H2BC18: variants seen among roughly 807,000 people sequenced by gnomAD.
The protein encoded by H2BC18 is H2B clustered histone 18.
A neutral mutation model predicts 6.3 loss-of-function variants in H2BC18; 8 were observed. That is an observed-to-expected ratio of 1.28 (90% CI 0.75 to 2.31). H2BC18 has a LOEUF of 2.31. Ranked by LOEUF, H2BC18 falls within the 30% of genes most tolerant of loss-of-function variation. The pLI, the probability that H2BC18 is intolerant of heterozygous loss-of-function variation, is 0.00. For synonymous variants in H2BC18, 104 were observed against 78.1 expected (o/e 1.33, Z -1.75); for missense variants, 106 against 174.5 (o/e 0.61, Z 2.21).
downstream of H2BC18, chr1:149,811,631 C>T (rs1571425325): frequency 1.3e-5 from 6 of 444,964 alleles, no homozygotes; most frequent in East Asian, 1.7e-4. Context: ...TGTAGAACCA[C>T]CCCCCGCCTC....
chr1:149,795,852 C>T (rs1252197918), intron 1 of H2BC18, among the ~76,000 whole-genome samples: 1 of 151,684 alleles, frequency 6.6e-6, no homozygotes, highest in Non-Finnish European at 1.5e-5. Context: ...CAACAATCCT[C>T]CTGTTTTTCC....
chr1:149,808,000 A>T (rs1442283088), downstream of H2BC18, among the ~76,000 whole-genome samples: 1 of 152,132 alleles, frequency 6.6e-6, no homozygotes, highest in African/African-American at 2.4e-5. Flanking sequence ...TGTTCAATAT[A>T]ATAATATTAA....
intron 1 of H2BC18, among the ~76,000 whole-genome samples, chr1:149,804,764 G>T (rs1190794298): frequency 6.6e-6 from 1 of 152,108 alleles, no homozygotes; most frequent in Admixed American, 6.5e-5. Context: ...GGATCAATTT[G>T]CTGTAAGGAA....
intron 1 of H2BC18, chr1:149,793,272 G>T (rs2091758657): frequency 8.2e-7 from 1 of 1,219,030 alleles, no homozygotes; most frequent in South Asian, 1.4e-5. Flanking sequence ...GGTGGGGAGT[G>T]GGAGAGGCCG....
intron 1 of H2BC18, chr1:149,791,162 C>T: frequency 6.2e-7 from 1 of 1,604,572 alleles, no homozygotes; most frequent in South Asian, 1.1e-5. Context: ...GCCAACCTTC[C>T]CTTCCAAACA....
At chr1:149,807,843 G>A (rs1277745757), downstream of H2BC18, among the ~76,000 whole-genome samples, 4 of 152,072 alleles carry the variant, frequency 2.6e-5, no homozygotes, top group Non-Finnish European at 4.4e-5. Context: ...GAGAGAAAGA[G>A]AGAAAAGAAA....
intron 1 of H2BC18, chr1:149,785,697 A>T (rs1401708364): frequency 6.6e-6 from 1 of 152,064 alleles, no homozygotes; most frequent in South Asian, 2.1e-4. Context: ...TTTTCATTGA[A>T]ATATAACTTA....
At chr1:149,788,170 C>A (rs608125) in intron 1 of H2BC18, 1 of 896,812 alleles carries the variant, frequency 1.1e-6, no homozygotes, top group East Asian at 2.7e-5. Context: ...GGGCTGTGTA[C>A]GCAGTTGCCA....
At chr1:149,807,533 TGGTGGTACAC>T (rs2101491892), downstream of H2BC18, among the ~76,000 whole-genome samples, 1 of 46,210 alleles carries the variant, frequency 2.2e-5, no homozygotes, top group African/African-American at 8.9e-5. Context: ...GGGGCGGGCA[TGGTGGTACAC>T]ACCTGTAATC....
At chr1:149,807,323 CA>C, downstream of H2BC18, among the ~76,000 whole-genome samples, 4 of 150,780 alleles carry the variant, frequency 2.7e-5, no homozygotes, top group East Asian at 7.7e-4. Context: ...CCCATCTCTA[CA>C]AAAACAAAAA....
intron 1 of H2BC18, among the ~76,000 whole-genome samples, chr1:149,784,801 A>T (rs2091497497): frequency 6.6e-6 from 1 of 151,454 alleles, no homozygotes; most frequent in African/African-American, 2.4e-5. Flanking sequence ...TATCACTTAA[A>T]ATACCTTAAA....
intron 1 of H2BC18, chr1:149,791,526 C>A (rs782167114): frequency 1.9e-6 from 3 of 1,610,548 alleles, no homozygotes; most frequent in Non-Finnish European, 1.7e-6. Context: ...AGCAGCGGCT[C>A]AGTGGGTGGC....
chr1:149,797,372 C>A (rs782022163), intron 1 of H2BC18, among the ~76,000 whole-genome samples: 2 of 151,980 alleles, frequency 1.3e-5, no homozygotes, highest in African/African-American at 2.4e-5. Flanking sequence ...AAATATATAT[C>A]AAAAATACAC....
intron 1 of H2BC18, chr1:149,787,546 TC>T (rs1330043281): frequency 6.6e-6 from 1 of 152,438 alleles, no homozygotes; most frequent in African/African-American, 2.4e-5. Context: ...GGATGCGTGG[TC>T]CTATTAACAA....
intron 1 of H2BC18, among the ~76,000 whole-genome samples, chr1:149,797,711 C>A (rs1198289347): frequency 6.6e-6 from 1 of 152,172 alleles, no homozygotes; most frequent in South Asian, 2.1e-4. Context: ...GATCCTCCTG[C>A]CTCGGCCTCC....
intron 1 of H2BC18, among the ~76,000 whole-genome samples, chr1:149,797,700 C>T (rs1473210127): frequency 6.6e-6 from 1 of 152,116 alleles, no homozygotes; most frequent in Admixed American, 6.5e-5. Context: ...CCAGGCTCAA[C>T]GATCCTCCTG....
At chr1:149,788,427 G>A in intron 1 of H2BC18, 2 of 1,613,742 alleles carry the variant, frequency 1.2e-6, no homozygotes, top group Non-Finnish European at 1.7e-6. Context: ...TGGCCTTGAG[G>A]TGTCATGCGT....
In H2BC18 at chr1:149,792,661, G is replaced by A. The variant is rs587657071; in HGVS notation, c.378-9401C>T. 2.7e-5 allele frequency: 34 copies of A among 1,277,266 alleles called. 1 individual carries two copies. The East Asian group carries it at 5.1e-4, about 19-fold the overall frequency. The allele number at this position is 1,277,266 out of a possible 1,614,324, so 79.1% of individuals were successfully genotyped here. ...TTGCAGCCTCCGCCTGTATCTGGGG[G>A]CCGCAGCCGCCAGCGCCCGGGGACC... On this transcript the variant is annotated intron_variant, in intron 1 of 1. Transcript: ENST00000545683.
At chr1:149,789,966 T>C (rs1367874162) in intron 1 of H2BC18, 5 of 1,610,964 alleles carry the variant, frequency 3.1e-6, no homozygotes, top group South Asian at 1.1e-5. Context: ...TAGGGCCAGG[T>C]TTCCCAAGGG....
Sources: gnomAD v4.1 joint callset for allele counts (sites outside exome capture counted in the v4.1 genomes callset) on GRCh38, gnomAD v4.1.1 for gene constraint, MANE v1.5 for transcripts, NCBI Gene and HGNC (gene_info 2026-07-23, HGNC 2026-07-21) for gene names.